The following SGCD variants were observed in gnomAD, a reference collection of about 807,000 sequenced individuals.
SGCD encodes sarcoglycan delta.
SGCD carries 18 observed loss-of-function variants against 36.6 expected under a neutral mutation model. The ratio of observed to expected loss-of-function variants is 0.49; its 90% CI spans 0.34 to 0.73. The LOEUF is 0.73. Ranked by LOEUF, SGCD falls within the 30% of genes least tolerant of loss-of-function variation. SGCD has a pLI of 0.01. For synonymous variants in SGCD, 133 were observed against 130.6 expected, an observed-to-expected ratio of 1.02 and a Z score of -0.12; for missense variants, 387 against 346.7, an observed-to-expected ratio of 1.12 and a Z score of -0.92.
At chr5:156,109,482 G>T (rs1761729561) in intron 1 of SGCD, among the ~76,000 whole-genome samples, 1 of 152,102 alleles carries the variant, frequency 6.6e-6, no homozygotes, top group Non-Finnish European at 1.5e-5. Context: ...CCTTAATGTA[G>T]CCTGGATGGC....
intron 4 of SGCD, among the ~76,000 whole-genome samples, chr5:156,577,802 T>G (rs1242392709): frequency 1.3e-5 from 2 of 152,220 alleles, no homozygotes; most frequent in Non-Finnish European, 2.9e-5. Flanking sequence ...CTTATCAGCT[T>G]AAGGAGATTT....
chr5:156,722,719 C>T (rs1270575284), intron 7 of SGCD, among the ~76,000 whole-genome samples: 2 of 152,210 alleles, frequency 1.3e-5, no homozygotes, highest in African/African-American at 2.4e-5. Flanking sequence ...CCCTGGCAGC[C>T]AGCCATTTGT....
the SGCD span, among the ~76,000 whole-genome samples, chr5:155,753,335 A>C: frequency 0.026 from 1,227 of 48,018 alleles, 41 homozygotes; most frequent in African/African-American, 0.071. Context: ...GACTTTGTCT[A>C]AAAAAAAAAG....
intron 6 of SGCD, among the ~76,000 whole-genome samples, chr5:156,612,392 A>G (rs1292281344): frequency 2.0e-5 from 3 of 152,202 alleles, no homozygotes; most frequent in African/African-American, 7.2e-5. Context: ...TGAGTTTGTG[A>G]TGGCAGTAGT....
intron 7 of SGCD, among the ~76,000 whole-genome samples, chr5:156,685,230 T>C (rs1753862266): frequency 6.6e-6 from 1 of 152,030 alleles, no homozygotes; most frequent in South Asian, 2.1e-4. Context: ...AGAACTCAAG[T>C]GGGCTACTCG....
intron 3 of SGCD, among the ~76,000 whole-genome samples, chr5:156,396,426 T>A (rs1042103734): frequency 6.6e-6 from 1 of 152,012 alleles, no homozygotes; most frequent in Non-Finnish European, 1.5e-5. Context: ...ATATATGTAG[T>A]TTTTGTGTGT....
At chr5:155,869,718 G>T (rs112414939), upstream of SGCD, among the ~76,000 whole-genome samples, 702 of 151,948 alleles carry the variant, frequency 4.6e-3, 2 homozygotes, top group Non-Finnish European at 6.4e-3. Flanking sequence ...ACTGTCCTGC[G>T]GGCCGGGCAT....
chr5:156,410,003 C>T lies in SGCD; in HGVS notation c.192+65326C>T, dbSNP rs150427211. ...GAAGTAATATGTTACCACAAGAATA[C>T]GGGCTTTGGCTTGAATTTTTATTCT... On this transcript the variant is annotated intron_variant, in intron 3 of 8. Coordinates refer to ENST00000337851, the MANE Select transcript of SGCD (RefSeq NM_000337.6). Among the ~76,000 whole-genome samples the T allele has an allele frequency of 3.4e-3, 519 of 152,100 alleles. 1 individual carries two copies. Among genetic ancestry groups the T allele is most frequent in the Non-Finnish European group, 5.9e-3 (401 of 67,984 alleles).
intron 3 of SGCD, among the ~76,000 whole-genome samples, chr5:156,484,634 C>CT (rs1473606720): frequency 6.6e-6 from 1 of 152,098 alleles, no homozygotes; most frequent in African/African-American, 2.4e-5. Context: ...TCGGAAATGG[C>CT]TTTTTTGTAT....
Position 156,331,276 on chromosome 5 carries a change from C to T in SGCD, c.3+1697C>T, listed in dbSNP as rs957326898. On this transcript the variant is annotated intron_variant, in intron 2 of 8. Transcript: ENST00000337851. ...TCATTATTGTTTCAAATTCCTATTG[C>T]AGAGTGTGAACTGCCTCATACAAAG... Among the ~76,000 whole-genome samples, 26 of 152,176 alleles carry T rather than the reference C, an allele frequency of 1.7e-4. 1 individual carries two copies. The highest frequency in any genetic ancestry group is 6.3e-4 in the African/African-American group (26 of 41,428).
At chr5:155,947,859 C>T (rs1247307232) in intron 1 of SGCD, among the ~76,000 whole-genome samples, 1 of 151,886 alleles carries the variant, frequency 6.6e-6, no homozygotes, top group African/African-American at 2.4e-5. Flanking sequence ...TCAGAGTTTA[C>T]AAGCTTATAA....
chr5:155,934,749 A>C (rs949043832), intron 1 of SGCD, among the ~76,000 whole-genome samples: 1 of 152,230 alleles, frequency 6.6e-6, no homozygotes, highest in East Asian at 1.9e-4. Context: ...CTTCCATTAC[A>C]GAAGCTGAAA....
At chr5:156,643,233 T>C (rs1477730461) in intron 6 of SGCD, among the ~76,000 whole-genome samples, 1 of 152,060 alleles carries the variant, frequency 6.6e-6, no homozygotes, top group Non-Finnish European at 1.5e-5. Context: ...GATTTCTCCA[T>C]GTTGGTCAGG....
At chr5:156,496,756 G>A (rs1441824008) in intron 3 of SGCD, among the ~76,000 whole-genome samples, 1 of 152,074 alleles carries the variant, frequency 6.6e-6, no homozygotes, top group Non-Finnish European at 1.5e-5. Context: ...TCATATGTAG[G>A]GAAATATAGT....
chr5:155,751,430 G>T, the SGCD span, among the ~76,000 whole-genome samples: 1 of 152,134 alleles, frequency 6.6e-6, no homozygotes, highest in African/African-American at 2.4e-5. Context: ...CTTTCACTCT[G>T]TTGCCTAGGT....
chr5:156,710,368 C>A (rs1754934096), intron 7 of SGCD, among the ~76,000 whole-genome samples: 1 of 152,132 alleles, frequency 6.6e-6, no homozygotes, highest in African/African-American at 2.4e-5. Flanking sequence ...AAAAATACTT[C>A]CATTTTTCAA....
At chr5:156,649,218 C>A (rs1212304497) in intron 7 of SGCD, among the ~76,000 whole-genome samples, 1 of 152,082 alleles carries the variant, frequency 6.6e-6, no homozygotes, top group Non-Finnish European at 1.5e-5. Flanking sequence ...ACAACAGATG[C>A]TGGAGAGGAT....
At chr5:156,570,142 G>A (rs1456377377) in intron 4 of SGCD, among the ~76,000 whole-genome samples, 1 of 152,128 alleles carries the variant, frequency 6.6e-6, no homozygotes, top group Non-Finnish European at 1.5e-5. Flanking sequence ...TCCAAGATAT[G>A]TTCATTTTTA....
intron 3 of SGCD, among the ~76,000 whole-genome samples, chr5:156,410,784 C>T (rs372690166): frequency 6.6e-6 from 1 of 152,174 alleles, no homozygotes; most frequent in Non-Finnish European, 1.5e-5. Context: ...GTATCCCTTA[C>T]ATGAGCTATT....
Sources: allele counts gnomAD v4.1 joint callset (sites outside exome capture counted in the v4.1 genomes callset), GRCh38; gene constraint gnomAD v4.1.1; transcripts MANE v1.5; gene names NCBI Gene and HGNC (gene_info 2026-07-23, HGNC 2026-07-21).